Variants in DNAH5 observed in about 807,000 individuals in gnomAD.
DNAH5 encodes the protein axonemal beta dynein heavy chain 5.
A neutral mutation model predicts 518.2 loss-of-function variants in DNAH5; 372 were observed. The observed-to-expected ratio is 0.72, with a 90% CI of 0.66 to 0.78. The LOEUF is 0.78. DNAH5 is among the 30% of genes least tolerant of loss of function. The pLI is 0.00. For missense variants in DNAH5, 5,523 were observed against 5,687.0 expected, an observed-to-expected ratio of 0.97 and a Z score of 0.93; for synonymous variants, 2,039 against 2,025.9, an observed-to-expected ratio of 1.01 and a Z score of -0.17.
chr5:13,917,955 C>G (rs1020394414), intron 7 of DNAH5, among the ~76,000 whole-genome samples: 1 of 152,180 alleles, frequency 6.6e-6, no homozygotes, highest in Non-Finnish European at 1.5e-5. Flanking sequence ...AACAAACAGT[C>G]TTTCCAGCAC....
At position 13,887,960 on chromosome 5, in the gene DNAH5, A is replaced by G. The variant is rs776789266; in HGVS notation, c.2578-1831T>C. ...TAGCCACCTCCCTCTACCAAGCTCCATAATAGCTGTGTCTTCAAATCCCTG... is the reference window on the plus strand; with the variant it reads ...TAGCCACCTCCCTCTACCAAGCTCCGTAATAGCTGTGTCTTCAAATCCCTG... On this transcript the variant is annotated intron_variant, in intron 17 of 78. Transcript: ENST00000265104. 6.2e-4 allele frequency among the ~76,000 whole-genome samples: 95 copies of G among 152,286 alleles called. 1 individual carries two copies. The highest frequency in any genetic ancestry group is 2.1e-4 in the South Asian group (1 of 4,824).
intron 11 of DNAH5, among the ~76,000 whole-genome samples, chr5:13,912,571 G>C (rs13169839): frequency 0.43 from 65,282 of 150,590 alleles, 14,886 homozygotes; most frequent in East Asian, 0.85. Context: ...TCAAAAGTAT[G>C]TGTGTGTATG....
Position 13,923,261 on chromosome 5 carries a change from A to G in DNAH5, c.438+19T>C. On this transcript the variant is annotated intron_variant, in intron 4 of 78. Transcript: ENST00000265104. ...TGTTTTTTGGTAATTCAGAGTAAAC[A>G]ATGGCTCTTGCCCCTTACCTGGTGG... 6.2e-7 allele frequency: 1 copy of G among 1,614,132 alleles called. No homozygotes were observed. Among genetic ancestry groups the G allele is most frequent in the Non-Finnish European group, 8.5e-7 (1 of 1,179,976 alleles).
At chr5:13,753,724 T>A (rs907998261) in intron 62 of DNAH5, among the ~76,000 whole-genome samples, 175 bp from the exon 63 acceptor site, 3 of 152,170 alleles carry the variant, frequency 2.0e-5, no homozygotes, top group Non-Finnish European at 4.4e-5. Context: ...GGTTTATTAG[T>A]CAATAAGGTC....
chr5:13,803,548 C>T (rs1455162305), intron 47 of DNAH5, among the ~76,000 whole-genome samples: 1 of 152,220 alleles, frequency 6.6e-6, no homozygotes, highest in Non-Finnish European at 1.5e-5. Flanking sequence ...TAGGTTCTGC[C>T]ACCAACTAAG....
chr5:13,885,262 A>C (rs1363790785), intron 18 of DNAH5, 34 bp from the exon 19 acceptor site: 1 of 1,611,668 alleles, frequency 6.2e-7, no homozygotes, highest in Non-Finnish European at 8.5e-7. Context: ...AGATAGAGAT[A>C]AGTTAGATGG....
Position 13,737,170 on chromosome 5 carries a change from C to A in DNAH5, c.11455+82G>T, listed in dbSNP as rs901653090. ...TTTGCATAATCATTTGTATAACTCC[C>A]TCACATCCTTCCATTTCTCTAATTC... is the stretch of plus-strand genomic sequence containing the variant. On this transcript the variant is annotated intron_variant, in intron 66 of 78. Coordinates refer to ENST00000265104, the MANE Select transcript of DNAH5 (RefSeq NM_001369.3). 8.8e-6 allele frequency: 14 copies of A among 1,586,994 alleles called. No homozygotes were observed. The Admixed American group carries it at 2.3e-4, about 26-fold the overall frequency.
intron 12 of DNAH5, among the ~76,000 whole-genome samples, chr5:13,907,718 T>C (rs1775504386): frequency 6.6e-6 from 1 of 151,614 alleles, no homozygotes; most frequent in Non-Finnish European, 1.5e-5. Flanking sequence ...TTATTCTTTG[T>C]GCATCCTAAG....
intron 71 of DNAH5, 147 bp from the exon 72 acceptor site, chr5:13,719,248 A>T: frequency 1.3e-6 from 1 of 747,550 alleles, no homozygotes; most frequent in Admixed American, 2.2e-5. Flanking sequence ...AAGAAAACAA[A>T]AATGTTTAAT....
rs144236383 is a variant in DNAH5 at position 13,923,419 on chromosome 5, C to G, written c.299G>C (p.Gly100Ala). The change falls in exon 4 of 79, where the codon GGG (glycine) becomes GCG (alanine). Residue 100 changes from glycine (G) to alanine (A), a missense_variant. Transcript: ENST00000265104. ...AETGQLGSLG[G>A]VNLVSGKIKK... ...AATCTTTCCAGAAACAAGATTTACCCCTCCTAGAGAGCCAAGTTGTCCTAC... is the reference window on the plus strand; with the variant it reads ...AATCTTTCCAGAAACAAGATTTACCGCTCCTAGAGAGCCAAGTTGTCCTAC... 729 of 1,614,092 alleles carry G rather than the reference C, an allele frequency of 4.5e-4. 2 individuals carry two copies. In the African/African-American group the frequency reaches 8.5e-3, roughly 19 times the overall value.
At chr5:13,829,948 A>G in intron 37 of DNAH5, 78 bp downstream of exon 37, 1 of 1,320,572 alleles carries the variant, frequency 7.6e-7, no homozygotes, top group Non-Finnish European at 1.1e-6. Context: ...AGGAAAACAG[A>G]TGACATATGA....
chr5:13,977,454 G>A (rs373516592), intron 1 of DNAH5, among the ~76,000 whole-genome samples: 46 of 150,474 alleles, frequency 3.1e-4, no homozygotes, highest in Admixed American at 1.9e-3. Flanking sequence ...ATTTCTCACC[G>A]CTCAGGAGGC....
chr5:13,858,278 T>G (rs1274655563), intron 30 of DNAH5, among the ~76,000 whole-genome samples: 3 of 152,126 alleles, frequency 2.0e-5, no homozygotes, highest in Non-Finnish European at 2.9e-5. Context: ...GGGACATGGA[T>G]GAAGCTAGAA....
chr5:13,911,103 A>T (rs2151977225), intron 12 of DNAH5, among the ~76,000 whole-genome samples: 1 of 152,342 alleles, frequency 6.6e-6, no homozygotes, highest in East Asian at 1.9e-4. Flanking sequence ...TCGTGCCGCA[A>T]TGTTCAACAG....
Position 13,690,373 on chromosome 5 carries a change from T to C in DNAH5, c.*1611A>G, listed in dbSNP as rs1348228824. 1.3e-5 allele frequency: 2 copies of C among 152,212 alleles called. No individual in the cohort carries two copies. Among genetic ancestry groups the C allele is most frequent in the Non-Finnish European group, 2.9e-5 (2 of 68,034 alleles). The allele number at this position is 152,212 out of a possible 1,614,324, so 9.4% of individuals were successfully genotyped here. ...AATTCCTATGATGTTGACATTTTCA[T>C]TACTTGCTTTTCAAAATGAAATGAT... On this transcript the variant is annotated 3_prime_UTR_variant, in exon 79 of 79. Transcript: ENST00000265104.
chr5:13,786,429 G>C, intron 51 of DNAH5, 78 bp from the exon 52 acceptor site: 1 of 1,387,666 alleles, frequency 7.2e-7, no homozygotes. Context: ...TACACTCAAA[G>C]CTCTACAACC....
intron 75 of DNAH5, among the ~76,000 whole-genome samples, chr5:13,710,602 AATAG>A (rs1430543102): frequency 4.6e-5 from 7 of 152,226 alleles, no homozygotes; most frequent in African/African-American, 7.2e-5. Flanking sequence ...AGATAAATAA[AATAG>A]ATAGACCATT....
intron 16 of DNAH5, among the ~76,000 whole-genome samples, chr5:13,893,218 A>G (rs968799322): frequency 2.8e-4 from 42 of 152,176 alleles, no homozygotes; most frequent in African/African-American, 8.9e-4. Flanking sequence ...CATAAATTCC[A>G]GAACAAGAGA....
In DNAH5 at chr5:13,692,095, C is replaced by A. The variant is rs374974632; in HGVS notation, c.13764G>T (p.Lys4588Asn). ...AGTTCAAGTCCGTTCGAACTGGCTTCTTATAGATGGGACAGGAGTAAAACC... is the reference window on the plus strand; with the variant it reads ...AGTTCAAGTCCGTTCGAACTGGCTTATTATAGATGGGACAGGAGTAAAACC... ...DPRFYSCPIY[K>N]KPVRTDLNYI... Residue 4588 changes from lysine to asparagine, a missense_variant, in exon 79 of 79, where the codon AAG becomes AAT. Transcript: ENST00000265104. 3 of 1,613,882 alleles carry A rather than the reference C, an allele frequency of 1.9e-6. No individual in the cohort carries two copies. The highest frequency in any genetic ancestry group is 2.2e-5 in the South Asian group (2 of 91,084).
Sources: allele counts gnomAD v4.1 joint callset (sites outside exome capture counted in the v4.1 genomes callset), GRCh38; gene constraint gnomAD v4.1.1; transcripts MANE v1.5; gene names NCBI Gene and HGNC (gene_info 2026-07-23, HGNC 2026-07-21).